NKAIN3: variants seen among roughly 807,000 people sequenced by gnomAD.
The protein encoded by NKAIN3 is sodium/potassium-transporting ATPase subunit beta-1-interacting protein 3.
NKAIN3 carries 25 observed loss-of-function variants against 30.2 expected under a neutral mutation model. The ratio of observed to expected loss-of-function variants is 0.83; its 90% CI spans 0.60 to 1.16. The LOEUF is 1.16. Ranked by LOEUF, NKAIN3 falls within the 50% of genes most tolerant of loss-of-function variation. NKAIN3 has a pLI of 0.00. For synonymous variants in NKAIN3, 91 were observed against 89.6 expected (o/e 1.02, Z -0.09); for missense variants, 225 against 254.1 (o/e 0.89, Z 0.78).
intron 5 of NKAIN3, among the ~76,000 whole-genome samples, chr8:62,919,227 ATTTTTTTTTTTTTTTTTTTTTTT>A (rs71255371): frequency 4.2e-5 from 2 of 47,186 alleles, no homozygotes; most frequent in African/African-American, 9.0e-5. Context: ...TACTTTCAAA[ATTTTTTTTTTTTTTTTTTTTTTT>A]TTTTTTTTTT....
At chr8:62,786,879 T>C (rs1817537749) in intron 4 of NKAIN3, among the ~76,000 whole-genome samples, 1 of 152,188 alleles carries the variant, frequency 6.6e-6, no homozygotes, top group Non-Finnish European at 1.5e-5. Context: ...TTGTCAGTGC[T>C]TGTTCCTGGA....
intron 1 of NKAIN3, among the ~76,000 whole-genome samples, chr8:62,445,224 A>G (rs1473182094): frequency 6.6e-6 from 1 of 151,926 alleles, no homozygotes; most frequent in African/African-American, 2.4e-5. Flanking sequence ...GATTACAGGC[A>G]TGAGCCACCA....
Position 62,979,757 on chromosome 8 carries a change from T to C in NKAIN3, c.*14350T>C, listed in dbSNP as rs1469928648. 2 of 152,266 alleles carry C rather than the reference T, an allele frequency of 1.3e-5. No homozygotes were observed. The highest frequency in any genetic ancestry group is 4.8e-5 in the African/African-American group (2 of 41,468). 9.4% of individuals were successfully genotyped at this position (152,266 alleles called of 1,614,324 possible). ...CTAGTCTTCTTTCCTCTGCACTTGG[T>C]GGCCATCAGCTGTAACAAGTCCTGA... On this transcript the variant is annotated 3_prime_UTR_variant, in exon 7 of 7. Coordinates refer to ENST00000623646, the MANE Select transcript of NKAIN3 (RefSeq NM_001304533.3).
At chr8:62,802,049 C>G (rs533247761) in intron 4 of NKAIN3, among the ~76,000 whole-genome samples, 2 of 151,708 alleles carry the variant, frequency 1.3e-5, no homozygotes, top group African/African-American at 4.8e-5. Context: ...TGAAATGAAG[C>G]GAGAAGGGAA....
At chr8:62,829,952 G>A (rs1456383579) in intron 4 of NKAIN3, among the ~76,000 whole-genome samples, 1 of 152,140 alleles carries the variant, frequency 6.6e-6, no homozygotes, top group Non-Finnish European at 1.5e-5. Context: ...TGCTACATCT[G>A]CTTCAAATTA....
At chr8:62,432,782 GT>G (rs1805055646) in intron 1 of NKAIN3, among the ~76,000 whole-genome samples, 1 of 152,096 alleles carries the variant, frequency 6.6e-6, no homozygotes, top group Admixed American at 6.6e-5. Flanking sequence ...ACAGGAGACT[GT>G]TTTTTCCCTT....
chr8:62,640,597 G>A (rs1171839120), intron 3 of NKAIN3, among the ~76,000 whole-genome samples: 1 of 152,136 alleles, frequency 6.6e-6, no homozygotes, highest in Non-Finnish European at 1.5e-5. Flanking sequence ...TTAAATGCCT[G>A]AGGAGATGTT....
chr8:62,770,899 CG>C (rs1259019500), intron 4 of NKAIN3, among the ~76,000 whole-genome samples: 2 of 151,056 alleles, frequency 1.3e-5, no homozygotes, highest in African/African-American at 2.4e-5. Flanking sequence ...GGCTGGTGGG[CG>C]GGGGGTGGAG....
chr8:62,831,038 T>G (rs1819180791), intron 4 of NKAIN3, among the ~76,000 whole-genome samples: 1 of 152,084 alleles, frequency 6.6e-6, no homozygotes, highest in South Asian at 2.1e-4. Flanking sequence ...CAATAAATAA[T>G]AATCAACTAT....
At chr8:62,316,865 A>G (rs1394759395) in intron 1 of NKAIN3, among the ~76,000 whole-genome samples, 1 of 152,178 alleles carries the variant, frequency 6.6e-6, no homozygotes, top group East Asian at 1.9e-4. Flanking sequence ...TAACTTCCAC[A>G]ATGGTTGAAC....
intron 3 of NKAIN3, among the ~76,000 whole-genome samples, chr8:62,645,896 A>AT (rs1812445080): frequency 6.6e-6 from 1 of 152,088 alleles, no homozygotes; most frequent in African/African-American, 2.4e-5. Flanking sequence ...ACTTTCAAAA[A>AT]CTATGTTCTG....
At chr8:62,298,476 G>T (rs1366746489) in intron 1 of NKAIN3, among the ~76,000 whole-genome samples, 1 of 151,992 alleles carries the variant, frequency 6.6e-6, no homozygotes. Context: ...AGTTAAGATG[G>T]TAAGCCCCAG....
At chr8:62,450,814 A>T (rs970402542) in intron 1 of NKAIN3, among the ~76,000 whole-genome samples, 31 of 152,230 alleles carry the variant, frequency 2.0e-4, no homozygotes, top group African/African-American at 7.0e-4. Flanking sequence ...GATGAAATTC[A>T]TAAATAAAGG....
At chr8:62,881,942 T>TCTA (rs1339287244) in intron 4 of NKAIN3, among the ~76,000 whole-genome samples, 1 of 152,206 alleles carries the variant, frequency 6.6e-6, no homozygotes, top group Non-Finnish European at 1.5e-5. Context: ...ATTTGGCCAT[T>TCTA]CTAATAGGTG....
chr8:62,700,634 A>G (rs1814304535), intron 3 of NKAIN3, among the ~76,000 whole-genome samples: 1 of 152,210 alleles, frequency 6.6e-6, no homozygotes, highest in African/African-American at 2.4e-5. Flanking sequence ...GAAAATGGAG[A>G]TGCAAAAGTA....
chr8:62,327,999 G>T (rs1481117921), intron 1 of NKAIN3, among the ~76,000 whole-genome samples: 1 of 151,990 alleles, frequency 6.6e-6, no homozygotes, highest in Non-Finnish European at 1.5e-5. Context: ...TTTTAAAAAT[G>T]TAACTATTTT....
Position 62,321,563 on chromosome 8 carries a change from T to C in NKAIN3, c.54+72436T>C, listed in dbSNP as rs142217634. Reference sequence around the variant, plus strand: ...CCTTCTAACAGTCAGGACCTTCAGCTGCAGGTCTGTTGGATTTTGCTGGAA... The same window carrying C: ...CCTTCTAACAGTCAGGACCTTCAGCCGCAGGTCTGTTGGATTTTGCTGGAA... On this transcript the variant is annotated intron_variant, in intron 1 of 6. Transcript: ENST00000623646. 9.0e-3 allele frequency among the ~76,000 whole-genome samples: 1,367 copies of C among 152,344 alleles called. 30 individuals carry two copies. Among genetic ancestry groups the C allele is most frequent in the African/African-American group, 0.031 (1,291 of 41,576 alleles).
intron 4 of NKAIN3, chr8:62,857,052 C>T: frequency 2.0e-6 from 1 of 501,154 alleles, no homozygotes; most frequent in Non-Finnish European, 4.0e-6. Flanking sequence ...CTTCATCGGC[C>T]TCAGTTTTGT....
intron 1 of NKAIN3, among the ~76,000 whole-genome samples, chr8:62,512,663 A>G (rs1409246471): frequency 6.6e-6 from 1 of 152,090 alleles, no homozygotes; most frequent in African/African-American, 2.4e-5. Flanking sequence ...ACTTTCATGG[A>G]CCCAGGTCCT....
Sources: allele counts gnomAD v4.1 joint callset (sites outside exome capture counted in the v4.1 genomes callset), GRCh38; gene constraint gnomAD v4.1.1; transcripts MANE v1.5; gene names NCBI Gene and HGNC (gene_info 2026-07-23, HGNC 2026-07-21).